PCDH9: variants seen among roughly 807,000 people sequenced by gnomAD.
PCDH9 encodes protocadherin 9, also known as protocadherin-9.
In PCDH9, 24 loss-of-function variants were observed where a neutral mutation model predicts 70.6. The observed-to-expected ratio is 0.34, with a 90% CI of 0.25 to 0.48. PCDH9 has a LOEUF of 0.48. Ranked by LOEUF, PCDH9 falls within the 20% of genes least tolerant of loss-of-function variation. The probability of loss-of-function intolerance (pLI) is 0.99; values close to 1 mark genes in which losing one functional copy is unlikely to be tolerated. For missense variants in PCDH9, 1,281 were observed against 1,503.6 expected, an observed-to-expected ratio of 0.85 and a Z score of 2.45; for synonymous variants, 562 against 558.5, an observed-to-expected ratio of 1.01 and a Z score of -0.09.
intron 3 of PCDH9, among the ~76,000 whole-genome samples, chr13:66,739,447 C>A (rs375109296): frequency 7.0e-4 from 105 of 150,412 alleles, no homozygotes; most frequent in Non-Finnish European, 1.3e-3. Context: ...CGAGCAAAAT[C>A]ACCAGCTAAC....
At chr13:66,849,657 G>A (rs2081283082) in intron 3 of PCDH9, among the ~76,000 whole-genome samples, 1 of 151,876 alleles carries the variant, frequency 6.6e-6, no homozygotes, top group Admixed American at 6.6e-5. Context: ...CCAGCCTCAG[G>A]GAAGAATGTG....
chr13:66,973,047 T>C (rs1232065094), intron 2 of PCDH9, among the ~76,000 whole-genome samples: 2 of 151,966 alleles, frequency 1.3e-5, no homozygotes, highest in Non-Finnish European at 2.9e-5. Context: ...ATCAGCACCC[T>C]GTAAAACATA....
chr13:66,959,706 G>GCAT (rs977809002), intron 2 of PCDH9, among the ~76,000 whole-genome samples: 4 of 149,268 alleles, frequency 2.7e-5, no homozygotes, highest in Non-Finnish European at 4.4e-5. Flanking sequence ...AATTATGATT[G>GCAT]CATCACTGCA....
intron 3 of PCDH9, among the ~76,000 whole-genome samples, chr13:66,730,373 GTC>G (rs1377516886): frequency 3.3e-5 from 5 of 152,110 alleles, no homozygotes; most frequent in African/African-American, 1.2e-4. Context: ...ACGAAATGTG[GTC>G]AACAATCTTG....
At chr13:66,736,113 G>A (rs2139186440) in intron 3 of PCDH9, among the ~76,000 whole-genome samples, 1 of 151,934 alleles carries the variant, frequency 6.6e-6, no homozygotes, top group South Asian at 2.1e-4. Flanking sequence ...ATTAAATACA[G>A]CATACTATGA....
chr13:67,050,140 C>A (rs1351137416), intron 2 of PCDH9, among the ~76,000 whole-genome samples: 1 of 152,122 alleles, frequency 6.6e-6, no homozygotes, highest in Non-Finnish European at 1.5e-5. Flanking sequence ...ATATTATTTT[C>A]TTCACTGGAG....
At chr13:66,759,763 T>C (rs554597604) in intron 3 of PCDH9, among the ~76,000 whole-genome samples, 1 of 70,988 alleles carries the variant, frequency 1.4e-5, no homozygotes, top group African/African-American at 4.8e-5. Context: ...TTTTGAATTT[T>C]TGATGTTATA....
intron 4 of PCDH9, among the ~76,000 whole-genome samples, chr13:66,611,004 A>G (rs1346930864): frequency 6.6e-6 from 1 of 152,164 alleles, no homozygotes; most frequent in Non-Finnish European, 1.5e-5. Flanking sequence ...CATTCATTGA[A>G]AAATTTAAAA....
chr13:66,367,932 T>C (rs1202586588), intron 4 of PCDH9, among the ~76,000 whole-genome samples: 4 of 152,166 alleles, frequency 2.6e-5, no homozygotes, highest in Non-Finnish European at 4.4e-5. Flanking sequence ...TGTAAGCAAC[T>C]TCCATGCAAT....
intron 4 of PCDH9, among the ~76,000 whole-genome samples, chr13:66,393,995 C>T (rs186458682): frequency 7.9e-5 from 12 of 152,056 alleles, no homozygotes; most frequent in South Asian, 2.1e-4. Flanking sequence ...CTATGACTGA[C>T]GGGAGAAATA....
chr13:66,664,285 T>G (rs939376608), intron 3 of PCDH9, among the ~76,000 whole-genome samples: 10 of 152,212 alleles, frequency 6.6e-5, no homozygotes, highest in African/African-American at 2.4e-4. Flanking sequence ...AGACATTCAC[T>G]TTATTAGTTT....
chr13:66,941,784 T>C (rs758204465), intron 2 of PCDH9, among the ~76,000 whole-genome samples: 1 of 151,666 alleles, frequency 6.6e-6, no homozygotes, highest in Non-Finnish European at 1.5e-5. Context: ...AGAAAATAAA[T>C]AGGTATGGAA....
chr13:66,469,581 C>T (rs1002679723), intron 4 of PCDH9, among the ~76,000 whole-genome samples: 2 of 152,190 alleles, frequency 1.3e-5, no homozygotes, highest in Middle Eastern at 3.4e-3. Flanking sequence ...AACTTACAAG[C>T]TATCCACGAC....
intron 2 of PCDH9, among the ~76,000 whole-genome samples, chr13:67,122,772 C>CAATAAT (rs56039213): frequency 0.012 from 1,755 of 143,174 alleles, 22 homozygotes; most frequent in African/African-American, 0.028. Flanking sequence ...GACTCTGTCT[C>CAATAAT]AATAATAATA....
chr13:66,321,759 C>T (rs267315), intron 4 of PCDH9, among the ~76,000 whole-genome samples: 151,103 of 152,062 alleles, frequency 0.99, 75,100 homozygotes, highest in Middle Eastern at 1. Flanking sequence ...GTTTTCTAAT[C>T]CCCTATAAGA....
chr13:66,581,156 G>T (rs1451677592), intron 4 of PCDH9, among the ~76,000 whole-genome samples: 1 of 152,082 alleles, frequency 6.6e-6, no homozygotes, highest in Non-Finnish European at 1.5e-5. Context: ...CCATGAAATG[G>T]TAATTTTTGA....
At chr13:66,604,222 G>A (rs2077195582) in intron 4 of PCDH9, among the ~76,000 whole-genome samples, 1 of 151,830 alleles carries the variant, frequency 6.6e-6, no homozygotes. Flanking sequence ...TTCTTCTTCT[G>A]CATGCTTCAA....
chr13:66,335,338 G>T (rs61623082), intron 4 of PCDH9, among the ~76,000 whole-genome samples: 3 of 151,976 alleles, frequency 2.0e-5, no homozygotes, highest in African/African-American at 7.3e-5. Flanking sequence ...AATCGAGCTT[G>T]CTCTGACATT....
chr13:67,070,216 G>T (rs1426654232), intron 2 of PCDH9, among the ~76,000 whole-genome samples: 1 of 151,260 alleles, frequency 6.6e-6, no homozygotes, highest in Admixed American at 6.6e-5. Flanking sequence ...CTCCTCAATT[G>T]TGTGTTCCTA....
Sources: gnomAD v4.1 joint callset for allele counts (sites outside exome capture counted in the v4.1 genomes callset) on GRCh38, gnomAD v4.1.1 for gene constraint, MANE v1.5 for transcripts, NCBI Gene and HGNC (gene_info 2026-07-23, HGNC 2026-07-21) for gene names.